SF1: variants seen among roughly 807,000 people sequenced by gnomAD.
SF1 encodes the protein branch point-binding protein.
In SF1, 7 loss-of-function variants were observed where a neutral mutation model predicts 62.5. The observed-to-expected ratio is 0.11, with a 90% CI of 0.06 to 0.21. The LOEUF (loss-of-function observed/expected upper bound fraction) is 0.21. Ranked by LOEUF, SF1 falls within the 10% of genes least tolerant of loss-of-function variation. SF1 has a pLI of 1.00. For synonymous variants in SF1, 394 were observed against 323.6 expected, an observed-to-expected ratio of 1.22 and a Z score of -2.33; for missense variants, 578 against 884.0, an observed-to-expected ratio of 0.65 and a Z score of 4.39.
chr11:64,775,434 T>A lies in SF1; in HGVS notation c.160+1064A>T, dbSNP rs1369679707. 5.3e-5 allele frequency among the ~76,000 whole-genome samples: 8 copies of A among 152,104 alleles called. No homozygotes were observed. The East Asian group carries it at 1.3e-3, about 26-fold the overall frequency. On this transcript the variant is annotated intron_variant, in intron 2 of 12. Transcript: ENST00000377390. ...TAGTCTAATATGAGACACAATGGAA[T>A]GGGTGGGAGTAGACAGGAACAGTAG...
At chr11:64,778,010 GGCT>G (rs1939646564) in intron 1 of SF1, 1 of 1,000,720 alleles carries the variant, frequency 1.0e-6, no homozygotes, top group African/African-American at 1.8e-5. Flanking sequence ...GGCCGGGCCC[GGCT>G]GCTGGTCCTT....
At chr11:64,777,656 GCTGAACACCCGCCACCC>G in intron 1 of SF1, 1 of 985,544 alleles carries the variant, frequency 1.0e-6, no homozygotes. Flanking sequence ...CCCGTCCAGC[GCTGAACACCCGCCACCC>G]CTGTTCCCGA....
intron 12 of SF1, 30 bp downstream of exon 12, chr11:64,766,870 A>G (rs751352457): frequency 4.4e-5 from 8 of 179,780 alleles, no homozygotes; most frequent in Non-Finnish European, 7.9e-5. Flanking sequence ...CATCCCACCC[A>G]CCCCCACAAG....
rs145413812 is a variant in SF1 at position 64,769,048 on chromosome 11, G to A, written c.861C>T (p.His287=). ...TTTGGAATTTACAGTCTGAAGCAAT[G>A]TGGCCAGCCCCTCCACACTTGGTAC... is the stretch of plus-strand genomic sequence containing the variant. ...TVCTKCGGAG[H]IASDCKFQRP... The change falls in exon 8 of 13, where the codon CAC becomes CAT. Residue 287 remains histidine, a synonymous_variant. Coordinates refer to ENST00000377390, the MANE Select transcript of SF1 (RefSeq NM_004630.4). The A allele has an allele frequency of 6.2e-7, 1 of 1,613,696 alleles. No individual in the cohort carries two copies. The highest frequency in any genetic ancestry group is 1.1e-5 in the South Asian group (1 of 91,086).
Position 64,769,078 on chromosome 11 carries a change from T to C in SF1, c.831A>G (p.Thr277=), listed in dbSNP as rs758778286. 12 of 1,614,054 alleles carry C rather than the reference T, an allele frequency of 7.4e-6. No individual in the cohort carries two copies. Among genetic ancestry groups the C allele is most frequent in the Non-Finnish European group, 8.5e-6 (10 of 1,180,016 alleles). ...CAGCCCCTCCACACTTGGTACACAC[T>C]GTGGTGTTGGTAATGCTGCGGGTCT... The part of the protein sequence containing the change: ...SSETRSITNT[T]VCTKCGGAGH... The change falls in exon 8 of 13, where the codon ACA becomes ACG. Residue 277 remains threonine, a synonymous_variant. Transcript: ENST00000377390.
intron 10 of SF1, 79 bp from the exon 11 acceptor site, chr11:64,767,330 G>A: frequency 7.2e-7 from 1 of 1,394,476 alleles, no homozygotes; most frequent in East Asian, 2.3e-5. Context: ...AACCTCAGTT[G>A]CTATCCTTAC....
chr11:64,772,322 T>TA (rs1938450841), intron 3 of SF1: 3 of 982,282 alleles, frequency 3.1e-6, no homozygotes, highest in South Asian at 4.7e-5. Flanking sequence ...CAATGTAAAT[T>TA]TAAAAAAAAA....
intron 5 of SF1, 93 bp downstream of exon 5, chr11:64,769,871 A>G: frequency 2.0e-6 from 2 of 991,304 alleles, no homozygotes; most frequent in Non-Finnish European, 1.5e-6. Context: ...AAAAAGGGGA[A>G]AAGTAAGCCA....
chr11:64,766,869 C>T, intron 12 of SF1, 31 bp downstream of exon 12: 2 of 1,173,010 alleles, frequency 1.7e-6, no homozygotes, highest in Non-Finnish European at 1.2e-6. Flanking sequence ...CCATCCCACC[C>T]ACCCCCACAA....
intron 2 of SF1, among the ~76,000 whole-genome samples, chr11:64,775,610 C>T (rs1236986844): frequency 1.3e-5 from 2 of 152,098 alleles, no homozygotes; most frequent in African/African-American, 4.8e-5. Flanking sequence ...GCCACAGCCT[C>T]GTAGGTTTAG....
In SF1 at chr11:64,769,442, T is replaced by C. The variant is rs1471686483; in HGVS notation, c.647A>G (p.Lys216Arg). The change falls in exon 6 of 13, where the codon AAA becomes AGA. Residue 216 changes from lysine (K) to arginine (R), a missense_variant. Transcript: ENST00000377390. ...ACCGCTCACCTGTTCCACTGCCTTTTTGACGTTCTCCATTGTATTGGCAGT... is the reference window on the plus strand; with the variant it reads ...ACCGCTCACCTGTTCCACTGCCTTTCTGACGTTCTCCATTGTATTGGCAGT... ...LVTANTMENV[K>R]KAVEQIRNIL... The C allele has an allele frequency of 6.2e-7, 1 of 1,614,224 alleles. No individual in the cohort carries two copies. The highest frequency in any genetic ancestry group is 8.5e-7 in the Non-Finnish European group (1 of 1,180,038).
At chr11:64,768,567 TTCA>T (rs1223702892) in intron 8 of SF1, among the ~76,000 whole-genome samples, 3 of 152,210 alleles carry the variant, frequency 2.0e-5, no homozygotes, top group African/African-American at 7.2e-5. Flanking sequence ...TCAAGTCAAT[TTCA>T]TCAAACTTCA....
chr11:64,768,835 G>A (rs768568676), intron 8 of SF1, among the ~76,000 whole-genome samples, 187 bp downstream of exon 8: 4 of 152,160 alleles, frequency 2.6e-5, no homozygotes, highest in African/African-American at 7.2e-5. Flanking sequence ...TTGGGCTCAA[G>A]ACAAACAAAC....
At chr11:64,773,232 C>G in intron 3 of SF1, 198 bp downstream of exon 3, 1 of 1,385,918 alleles carries the variant, frequency 7.2e-7, no homozygotes, top group Middle Eastern at 2.6e-4. Flanking sequence ...ATTCTCCCAA[C>G]ATTTTTAAGT....
At chr11:64,773,679 T>C (rs1388216552) in intron 2 of SF1, among the ~76,000 whole-genome samples, 174 bp from the exon 3 acceptor site, 2 of 152,190 alleles carry the variant, frequency 1.3e-5, no homozygotes, top group Non-Finnish European at 2.9e-5. Flanking sequence ...AGGAGTCCTT[T>C]TACATCTATA....
intron 8 of SF1, 45 bp from the exon 9 acceptor site, chr11:64,768,331 G>C: frequency 6.4e-7 from 1 of 1,574,748 alleles, no homozygotes; most frequent in Non-Finnish European, 8.7e-7. Flanking sequence ...GGAAAAACTT[G>C]TTAAGAAGGA....
chr11:64,766,176 A>G, intron 12 of SF1, 21 bp from the exon 13 acceptor site: 2 of 1,598,722 alleles, frequency 1.3e-6, no homozygotes, highest in Non-Finnish European at 1.7e-6. Context: ...AAAGAAGCCC[A>G]AGGTCACACG....
At chr11:64,774,349 GTT>G (rs1276541255) in intron 2 of SF1, among the ~76,000 whole-genome samples, 2 of 152,158 alleles carry the variant, frequency 1.3e-5, no homozygotes, top group African/African-American at 4.8e-5. Flanking sequence ...AGAGATGAGG[GTT>G]TCACAAAAGT....
At chr11:64,777,588 A>G (rs1360117502) in intron 1 of SF1, 2 of 985,292 alleles carry the variant, frequency 2.0e-6, no homozygotes, top group Admixed American at 6.2e-5. Flanking sequence ...ACCAGAAGGG[A>G]GTCGCTGCAC....
Sources: gnomAD v4.1 joint callset for allele counts (sites outside exome capture counted in the v4.1 genomes callset) on GRCh38, gnomAD v4.1.1 for gene constraint, MANE v1.5 for transcripts, NCBI Gene and HGNC (gene_info 2026-07-23, HGNC 2026-07-21) for gene names.